ANKAR: variants seen among roughly 807,000 people sequenced by gnomAD.
The protein encoded by ANKAR is ankyrin and armadillo repeat containing, also known as ankyrin and armadillo repeat-containing protein.
Under a neutral mutation model 146.2 loss-of-function variants are expected in ANKAR, and 136 were observed. The ratio of observed to expected loss-of-function variants is 0.93; its 90% CI spans 0.81 to 1.07. ANKAR has a LOEUF of 1.07. Among genes scored for constraint, ANKAR ranks in the 50% least tolerant of loss-of-function variants. ANKAR has a pLI of 0.00. For synonymous variants in ANKAR, 500 were observed against 575.8 expected (o/e 0.87, Z 1.88); for missense variants, 1,567 against 1,679.9 (o/e 0.93, Z 1.18).
At chr2:189,704,465 C>A (rs10195109) in intron 7 of ANKAR, among the ~76,000 whole-genome samples, 108,911 of 145,866 alleles carry the variant, frequency 0.75, 41,288 homozygotes, top group South Asian at 0.88. Flanking sequence ...ACTCTACCCA[C>A]ATAATAAATA....
At chr2:189,755,151 G>A in intron 18 of ANKAR, 1 of 1,590,146 alleles carries the variant, frequency 6.3e-7, no homozygotes, top group Non-Finnish European at 8.5e-7. Flanking sequence ...AAAAAAGAAT[G>A]GAGAAATTAA....
chr2:189,696,263 T>C lies in ANKAR; in HGVS notation c.1602T>C (p.Tyr534=), dbSNP rs146002272. ...TCAATGTTTCAGATGAAGCAGGTTA[T>C]ACTATTTTTCATCATGCTGCCCTGC... ...STINVSDEAG[Y]TIFHHAALHN... Residue 534 remains tyrosine, a synonymous_variant, in exon 7 of 23, where the codon TAT becomes TAC. Transcript: ENST00000684021. 2.3e-5 allele frequency: 37 copies of C among 1,614,032 alleles called. No individual in the cohort carries two copies. Among genetic ancestry groups the C allele is most frequent in the African/African-American group, 6.7e-5 (5 of 74,930 alleles).
At chr2:189,676,374 G>A (rs1392084841) in intron 1 of ANKAR, 82 bp from the exon 2 acceptor site, 3 of 1,229,528 alleles carry the variant, frequency 2.4e-6, no homozygotes, top group Non-Finnish European at 2.2e-6. Context: ...TAGGTGAAAG[G>A]TACAGATTTA....
chr2:189,695,097 C>G lies in ANKAR; in HGVS notation c.1424C>G (p.Thr475Arg). 1 of 1,612,640 alleles carries G rather than the reference C, an allele frequency of 6.2e-7. No individual in the cohort carries two copies. The highest frequency in any genetic ancestry group is 8.5e-7 in the Non-Finnish European group (1 of 1,179,410). Residue 475 changes from threonine to arginine, a missense_variant, in exon 6 of 23, where the codon ACA becomes AGA. By Grantham distance (71) the Thr-to-Arg change is moderately conservative. Transcript: ENST00000684021. ...CTGAGACTGAAAAGACTTCCACTGA[C>G]AGATGCTCAATTACATGAACAATTT... ...NNLRLKRLPL[T>R]DAQLHEQFKK...
chr2:189,675,132 A>G (rs1215223445), intron 1 of ANKAR, among the ~76,000 whole-genome samples: 1 of 152,200 alleles, frequency 6.6e-6, no homozygotes, highest in Non-Finnish European at 1.5e-5. Context: ...TCATTGAATC[A>G]GAAACTCAGT....
At chr2:189,744,829 C>T (rs1251410751) in intron 22 of ANKAR, 41 bp downstream of exon 22, 1 of 1,423,752 alleles carries the variant, frequency 7.0e-7, no homozygotes, top group Admixed American at 1.7e-5. Flanking sequence ...CCTTCTAGCC[C>T]AGACACTTTA....
chr2:189,750,686 T>G, downstream of ANKAR: 1 of 1,525,428 alleles, frequency 6.6e-7, no homozygotes, highest in Non-Finnish European at 8.8e-7. Flanking sequence ...ATCGTATTAT[T>G]TATTTGCTTC....
chr2:189,689,200 C>G (rs1012195625), intron 2 of ANKAR, among the ~76,000 whole-genome samples: 3 of 152,024 alleles, frequency 2.0e-5, no homozygotes, highest in African/African-American at 7.2e-5. Context: ...GTCTTATGAT[C>G]TGTATTTTAA....
At chr2:189,747,555 A>T (rs889189870), downstream of ANKAR, among the ~76,000 whole-genome samples, 2 of 152,112 alleles carry the variant, frequency 1.3e-5, no homozygotes, top group Admixed American at 1.3e-4. Context: ...TGCAACTGGA[A>T]AGGGTAATAG....
At chr2:189,702,689 AT>A (rs1306977118) in intron 7 of ANKAR, among the ~76,000 whole-genome samples, 2 of 152,342 alleles carry the variant, frequency 1.3e-5, no homozygotes, top group East Asian at 3.9e-4. Context: ...CTAAACAATA[AT>A]TTTAAATAAA....
intron 2 of ANKAR, among the ~76,000 whole-genome samples, chr2:189,684,790 TA>T (rs1211870742): frequency 1.5e-5 from 2 of 132,314 alleles, no homozygotes; most frequent in Non-Finnish European, 3.1e-5. Context: ...GCCAAGATCA[TA>T]CCACTACACT....
intron 22 of ANKAR, among the ~76,000 whole-genome samples, chr2:189,745,036 C>CTACTACTACTACTACTACTACT (rs1553537073): frequency 2.1e-5 from 2 of 93,892 alleles, no homozygotes; most frequent in Non-Finnish European, 5.9e-5. Flanking sequence ...ACTAATAATA[C>CTACTACTACTACTACTACTACT]AAAAATTAGC....
chr2:189,761,586 CT>C, downstream of ANKAR: 1 of 1,610,120 alleles, frequency 6.2e-7, no homozygotes, highest in Non-Finnish European at 8.5e-7. Context: ...AATTCATAAA[CT>C]TTCCTTTTTG....
chr2:189,725,186 T>C (rs1307738993), intron 12 of ANKAR, among the ~76,000 whole-genome samples: 1 of 151,932 alleles, frequency 6.6e-6, no homozygotes, highest in African/African-American at 2.4e-5. Context: ...CCCTGTGGGG[T>C]TGGATTGGAA....
chr2:189,708,652 T>C (rs916878998), intron 9 of ANKAR, among the ~76,000 whole-genome samples: 9 of 152,196 alleles, frequency 5.9e-5, no homozygotes, highest in South Asian at 4.1e-4. Flanking sequence ...GTTTGGCAGA[T>C]TAGGTTTACA....
At chr2:189,762,759 A>T (rs555945990), downstream of ANKAR, 1 of 985,396 alleles carries the variant, frequency 1.0e-6, no homozygotes, top group African/African-American at 1.7e-5. Flanking sequence ...TTATCGCTGC[A>T]GGAGAAAGCC....
In ANKAR at chr2:189,705,105, G is replaced by A. The variant is rs555194963; in HGVS notation, c.1791G>A (p.Thr597=). ...TACTGTGTTCCAAAGCTGATTACACGCTTTCTGAAAAAAGAGGCTGGATGC... is the reference window on the plus strand; with the variant it reads ...TACTGTGTTCCAAAGCTGATTACACACTTTCTGAAAAAAGAGGCTGGATGC... ...VCLLCSKADY[T]LSEKRGWMPI... Residue 597 remains threonine (T), a synonymous_variant, in exon 8 of 23, where the codon ACG becomes ACA. Transcript: ENST00000684021. 8.7e-6 allele frequency: 14 copies of A among 1,613,970 alleles called. No homozygotes were observed. Among genetic ancestry groups the A allele is most frequent in the South Asian group, 3.3e-5 (3 of 91,076 alleles).
intron 12 of ANKAR, among the ~76,000 whole-genome samples, chr2:189,722,559 G>GCAAC: frequency 6.6e-6 from 1 of 151,848 alleles, no homozygotes; most frequent in Non-Finnish European, 1.5e-5. Context: ...GCAACAATTT[G>GCAAC]AATAAATAAA....
rs577124400 is a variant in ANKAR, at chr2:189,724,661, C to T, written c.2636-3195C>T. ...CAATAAAAATAGTTAATATTTTTGACATAAATTGATATAAAGTGGGTATAG... is the reference window on the plus strand; with the variant it reads ...CAATAAAAATAGTTAATATTTTTGATATAAATTGATATAAAGTGGGTATAG... On this transcript the variant is annotated intron_variant, in intron 12 of 22. Transcript: ENST00000684021. Among the ~76,000 whole-genome samples, 8 of 151,990 alleles carry T rather than the reference C, an allele frequency of 5.3e-5. No homozygotes were observed. In the South Asian group the frequency reaches 1.7e-3, roughly 32 times the overall value.
Sources: gnomAD v4.1 joint callset for allele counts (sites outside exome capture counted in the v4.1 genomes callset) on GRCh38, gnomAD v4.1.1 for gene constraint, MANE v1.5 for transcripts, NCBI Gene and HGNC (gene_info 2026-07-23, HGNC 2026-07-21) for gene names.